DLC1: variants seen among roughly 807,000 people sequenced by gnomAD.
DLC1 encodes rho GTPase-activating protein 7.
In DLC1, 54 loss-of-function variants were observed where a neutral mutation model predicts 140.3. The observed-to-expected ratio is 0.38, with a 90% CI of 0.31 to 0.48. The LOEUF (loss-of-function observed/expected upper bound fraction) is 0.48, where lower values mean the gene tolerates loss of function less well. DLC1 is among the 20% of genes least tolerant of loss of function. DLC1 has a pLI of 0.96. For missense variants in DLC1, 2,536 were observed against 1,907.0 expected, an observed-to-expected ratio of 1.33 and a Z score of -6.14; for synonymous variants, 986 against 728.1, an observed-to-expected ratio of 1.35 and a Z score of -5.70.
At chr8:13,097,111 A>T (rs571857645) in intron 10 of DLC1, among the ~76,000 whole-genome samples, 3 of 152,178 alleles carry the variant, frequency 2.0e-5, no homozygotes, top group African/African-American at 7.2e-5. Context: ...AATGCATTTC[A>T]TCTCTACATT....
chr8:13,424,062 A>T (rs1838440341), intron 2 of DLC1, among the ~76,000 whole-genome samples: 1 of 152,224 alleles, frequency 6.6e-6, no homozygotes, highest in Admixed American at 6.5e-5. Flanking sequence ...ATTTAATGGA[A>T]TTTTAAGGGG....
intron 5 of DLC1, among the ~76,000 whole-genome samples, chr8:13,273,686 CTGTGTGTGTGTG>C (rs59265902): frequency 2.9e-4 from 18 of 62,548 alleles, no homozygotes; most frequent in East Asian, 1.1e-3. Flanking sequence ...AGAACTGTGC[CTGTGTGTGTGTG>C]TGTGTGTGTG....
intron 4 of DLC1, among the ~76,000 whole-genome samples, chr8:13,318,012 C>A (rs1251565064): frequency 6.6e-6 from 1 of 151,930 alleles, no homozygotes; most frequent in Admixed American, 6.6e-5. Flanking sequence ...TTATTAATAA[C>A]CTTTTTAAAT....
upstream of DLC1, chr8:13,515,680 G>C (rs1321277682): frequency 1.3e-5 from 2 of 152,076 alleles, no homozygotes; most frequent in Admixed American, 6.6e-5. Flanking sequence ...CTGCTTTCTT[G>C]TGCCTCCCTT....
At chr8:13,133,435 G>T in intron 5 of DLC1, 1 of 439,782 alleles carries the variant, frequency 2.3e-6, no homozygotes, top group Admixed American at 8.4e-5. Context: ...CCCATTCCCA[G>T]GCTCCGCCCC....
intron 4 of DLC1, among the ~76,000 whole-genome samples, chr8:13,366,979 C>T (rs1266311889): frequency 1.3e-5 from 2 of 152,144 alleles, no homozygotes; most frequent in South Asian, 2.1e-4. Context: ...TTTCAACCCT[C>T]ATTCCTGTCT....
intron 1 of DLC1, among the ~76,000 whole-genome samples, chr8:13,568,778 T>G (rs1224305269): frequency 6.6e-6 from 1 of 152,168 alleles, no homozygotes; most frequent in Non-Finnish European, 1.5e-5. Context: ...ACCACATCAA[T>G]CAACAGAGAA....
At chr8:13,155,772 C>G (rs1824204727) in intron 5 of DLC1, among the ~76,000 whole-genome samples, 1 of 152,032 alleles carries the variant, frequency 6.6e-6, no homozygotes, top group Admixed American at 6.5e-5. Context: ...TTTAATAGTT[C>G]ACATGAGGAA....
chr8:13,507,608 C>G (rs1585222175), intron 1 of DLC1, among the ~76,000 whole-genome samples: 1 of 152,160 alleles, frequency 6.6e-6, no homozygotes, highest in East Asian at 1.9e-4. Flanking sequence ...CATTATTCCT[C>G]TACTTTTACA....
intron 5 of DLC1, among the ~76,000 whole-genome samples, chr8:13,287,915 G>A (rs1205812823): frequency 6.6e-6 from 1 of 151,756 alleles, no homozygotes; most frequent in Non-Finnish European, 1.5e-5. Flanking sequence ...TTTCTTAGGA[G>A]AATATTTGCT....
At chr8:13,507,862 A>G (rs914899442) in intron 1 of DLC1, among the ~76,000 whole-genome samples, 9 of 152,204 alleles carry the variant, frequency 5.9e-5, no homozygotes, top group African/African-American at 2.2e-4. Context: ...CAAAATACAC[A>G]TCCAACGTTC....
chr8:13,331,821 A>G (rs1833600873), intron 4 of DLC1, among the ~76,000 whole-genome samples: 1 of 152,236 alleles, frequency 6.6e-6, no homozygotes, highest in Admixed American at 6.5e-5. Context: ...ACCAAAAGGA[A>G]TAAAATATTG....
intron 1 of DLC1, among the ~76,000 whole-genome samples, chr8:13,565,987 C>T (rs1363670873): frequency 2.0e-5 from 3 of 152,086 alleles, no homozygotes; most frequent in Non-Finnish European, 4.4e-5. Flanking sequence ...ATCCTCTGGA[C>T]GTGTGTAAGG....
chr8:13,208,745 GAC>G (rs56989279), intron 5 of DLC1, among the ~76,000 whole-genome samples: 64,484 of 147,636 alleles, frequency 0.44, 13,912 homozygotes, highest in Admixed American at 0.55. Flanking sequence ...CATACACACA[GAC>G]ACACACACAC....
At chr8:13,174,427 T>C (rs937099495) in intron 5 of DLC1, among the ~76,000 whole-genome samples, 2 of 152,208 alleles carry the variant, frequency 1.3e-5, no homozygotes, top group Non-Finnish European at 2.9e-5. Flanking sequence ...TTTAGTTCTT[T>C]GAGAAATCTC....
At chr8:13,214,817 T>C (rs543074764) in intron 5 of DLC1, 4 of 774,238 alleles carry the variant, frequency 5.2e-6, no homozygotes, top group Admixed American at 3.4e-5. Flanking sequence ...GAGAAAATGA[T>C]TGATTTGAGT....
At chr8:13,446,020 T>C (rs1351479086) in intron 2 of DLC1, among the ~76,000 whole-genome samples, 1 of 152,192 alleles carries the variant, frequency 6.6e-6, no homozygotes, top group Non-Finnish European at 1.5e-5. Context: ...AGTGATCAGC[T>C]CACGGGCAAA....
chr8:13,094,462 T>C (rs1818338752), intron 12 of DLC1, among the ~76,000 whole-genome samples: 1 of 151,994 alleles, frequency 6.6e-6, no homozygotes, highest in African/African-American at 2.4e-5. Context: ...GGTCAGGAGT[T>C]CGAGACCATC....
At chr8:13,209,804 C>T (rs1827850387) in intron 5 of DLC1, among the ~76,000 whole-genome samples, 1 of 152,302 alleles carries the variant, frequency 6.6e-6, no homozygotes, top group African/African-American at 2.4e-5. Context: ...TGATTGTAAG[C>T]TTACTGAGGC....
Sources: allele counts gnomAD v4.1 joint callset (sites outside exome capture counted in the v4.1 genomes callset), GRCh38; gene constraint gnomAD v4.1.1; transcripts MANE v1.5; gene names NCBI Gene and HGNC (gene_info 2026-07-23, HGNC 2026-07-21).